BIRC6: variants seen among roughly 807,000 people sequenced by gnomAD.
BIRC6 encodes the protein dual E2 ubiquitin-conjugating enzyme/E3 ubiquitin-protein ligase BIRC6.
A neutral mutation model predicts 503.3 loss-of-function variants in BIRC6; 98 were observed. The observed-to-expected ratio is 0.19, with a 90% CI of 0.17 to 0.23. The LOEUF (loss-of-function observed/expected upper bound fraction) is 0.23. Among genes scored for constraint, BIRC6 ranks in the 10% least tolerant of loss-of-function variants. The pLI is 1.00. For synonymous variants in BIRC6, 2,240 were observed against 2,078.7 expected (o/e 1.08, Z -2.11); for missense variants, 5,360 against 5,806.0 (o/e 0.92, Z 2.50).
chr2:32,525,333 G>C (rs1000790963), intron 58 of BIRC6, 131 bp from the exon 59 acceptor site: 3 of 987,456 alleles, frequency 3.0e-6, no homozygotes, highest in Non-Finnish European at 4.5e-6. Context: ...TTAGATATTG[G>C]ATTAGAAGGA....
At chr2:32,553,197 C>CAAAAAAAAAAAAAAAAAAAAAAAAAAAA (rs763552918) in intron 65 of BIRC6, among the ~76,000 whole-genome samples, 3 of 34,936 alleles carry the variant, frequency 8.6e-5, no homozygotes, top group Non-Finnish European at 1.5e-4. Flanking sequence ...AACTCTGTCT[C>CAAAAAAAAAAAAAAAAAAAAAAAAAAAA]AAAAAAAAAA....
chr2:32,440,602 T>G (rs951150367), intron 16 of BIRC6, among the ~76,000 whole-genome samples: 11 of 152,130 alleles, frequency 7.2e-5, no homozygotes, highest in African/African-American at 2.7e-4. Flanking sequence ...TTCTGTGTAC[T>G]TTATCTGATG....
chr2:32,521,044 A>C (rs1303876098), intron 57 of BIRC6, among the ~76,000 whole-genome samples: 1 of 152,178 alleles, frequency 6.6e-6, no homozygotes, highest in Non-Finnish European at 1.5e-5. Context: ...TATTGCATAA[A>C]AATAAAAGCT....
chr2:32,509,817 C>T lies in BIRC6; in HGVS notation c.10060C>T (p.Pro3354Ser). Residue 3354 changes from proline (P) to serine (S), a missense_variant, in exon 52 of 74, where the codon CCT becomes TCT. This residue lies in a region of BIRC6 where 878 missense variants were observed against 928.9 expected (regional missense o/e 0.95). Coordinates refer to ENST00000421745, the MANE Select transcript of BIRC6 (RefSeq NM_016252.4). ...LEGMMASAAA[P>S]TANLLQTCAA... ...AGGAATGATGGCAAGTGCAGCTGCA[C>T]CTACTGCTAATCTGCTGCAGACTTG... 3 of 1,613,976 alleles carry T rather than the reference C, an allele frequency of 1.9e-6. No individual in the cohort carries two copies. Among genetic ancestry groups the T allele is most frequent in the Non-Finnish European group, 2.5e-6 (3 of 1,179,872 alleles).
At chr2:32,370,061 T>TACACACACAC (rs71820292) in intron 1 of BIRC6, among the ~76,000 whole-genome samples, 14 of 140,956 alleles carry the variant, frequency 9.9e-5, no homozygotes, top group Middle Eastern at 7.7e-3. Context: ...TGTGTATGTA[T>TACACACACAC]ACACACACAC....
At position 32,446,738 on chromosome 2, in the gene BIRC6, G is replaced by GTTTTTT. The variant is rs58232090; in HGVS notation, c.4484+1098_4484+1103dup. 4.3e-3 allele frequency among the ~76,000 whole-genome samples: 151 copies of GTTTTTT among 34,856 alleles called. 6 individuals are homozygous for GTTTTTT. The highest frequency in any genetic ancestry group is 9.5e-3 in the East Asian group (7 of 738). The allele number at this position is 34,856 out of a possible 152,430, so 22.9% of individuals were successfully genotyped here. On this transcript the variant is annotated intron_variant, in intron 21 of 73. Coordinates refer to ENST00000421745, the MANE Select transcript of BIRC6 (RefSeq NM_016252.4). ...TCTAGTCAGCATCTCCCTCTGCGCT[G>GTTTTTT]TTTTTTTTTTTTTTTTTTTTTTTTT...
At chr2:32,551,324 C>T (rs2058406024) in intron 65 of BIRC6, among the ~76,000 whole-genome samples, 1 of 151,916 alleles carries the variant, frequency 6.6e-6, no homozygotes, top group African/African-American at 2.4e-5. Flanking sequence ...CCTCTGTCAC[C>T]CATGCTGGAA....
chr2:32,464,436 G>A, intron 24 of BIRC6, 73 bp from the exon 25 acceptor site: 1 of 1,420,360 alleles, frequency 7.0e-7, no homozygotes, highest in East Asian at 2.5e-5. Flanking sequence ...CATAATATAT[G>A]TCCATGTGGT....
chr2:32,484,433 A>T (rs2149244403), intron 39 of BIRC6, among the ~76,000 whole-genome samples: 1 of 151,892 alleles, frequency 6.6e-6, no homozygotes, highest in Non-Finnish European at 1.5e-5. Flanking sequence ...GGGTACCTGT[A>T]ATCCTTGGGA....
intron 1 of BIRC6, among the ~76,000 whole-genome samples, chr2:32,366,391 T>G (rs2034935996): frequency 6.6e-6 from 1 of 152,184 alleles, no homozygotes; most frequent in Non-Finnish European, 1.5e-5. Context: ...GTTCAATACC[T>G]TCTTTATTCC....
intron 65 of BIRC6, among the ~76,000 whole-genome samples, chr2:32,551,217 AATATAAAT>A (rs535390252): frequency 1.4e-3 from 216 of 151,108 alleles, no homozygotes; most frequent in African/African-American, 5.0e-3. Flanking sequence ...AGTAAACATA[AATATAAAT>A]ATATAAATAT....
chr2:32,503,394 TATGAG>T (rs1236794567), intron 49 of BIRC6, among the ~76,000 whole-genome samples, 158 bp downstream of exon 49: 1 of 149,422 alleles, frequency 6.7e-6, no homozygotes, highest in Non-Finnish European at 1.5e-5. Context: ...ACATTCTACT[TATGAG>T]AGGGAATGCT....
At chr2:32,413,254 C>T (rs2042080750) in intron 9 of BIRC6, among the ~76,000 whole-genome samples, 1 of 150,076 alleles carries the variant, frequency 6.7e-6, no homozygotes, top group South Asian at 2.1e-4. Context: ...GGTCTTGGCT[C>T]ACCACAACCT....
chr2:32,395,427 A>T, intron 5 of BIRC6, 84 bp from the exon 6 acceptor site: 3 of 1,091,012 alleles, frequency 2.7e-6, no homozygotes, highest in South Asian at 1.6e-5. Context: ...ACTTAAAATT[A>T]TGAACTTTTA....
chr2:32,357,093 C>A lies in BIRC6; in HGVS notation c.-69C>A. ...TTGGCCCCTCCGGCCGGGCGATCGA[C>A]GTTCCGCGTGCGTGCGGGCGCCTGA... is the stretch of plus-strand genomic sequence containing the variant. On this transcript the variant is annotated 5_prime_UTR_variant, in exon 1 of 74. Coordinates refer to ENST00000421745, the MANE Select transcript of BIRC6 (RefSeq NM_016252.4). The surrounding 1 kb of genome is among the most constrained non-coding windows in gnomAD (Gnocchi z 4.9). The A allele has an allele frequency of 1.5e-6, 2 of 1,322,726 alleles. No individual in the cohort carries two copies. Among genetic ancestry groups the A allele is most frequent in the African/African-American group, 1.6e-5 (1 of 64,282 alleles). 81.9% of individuals were successfully genotyped at this position (1,322,726 alleles called of 1,614,324 possible). A position where few individuals can be genotyped will look rare whatever the true frequency, so the allele number is the denominator to read the frequency against.
At chr2:32,602,567 G>C (rs2062138381) in intron 70 of BIRC6, 1 of 154,046 alleles carries the variant, frequency 6.5e-6, no homozygotes, top group Admixed American at 6.5e-5. Context: ...TTGTCAAACA[G>C]CTAGAAGAGA....
At chr2:32,521,820 T>A (rs2055754432) in intron 57 of BIRC6, 1 of 152,150 alleles carries the variant, frequency 6.6e-6, no homozygotes, top group Non-Finnish European at 1.5e-5. Context: ...TGTGTCAGTC[T>A]GTTTGCTTTT....
At chr2:32,593,606 G>A (rs1232048054) in intron 66 of BIRC6, among the ~76,000 whole-genome samples, 1 of 152,102 alleles carries the variant, frequency 6.6e-6, no homozygotes, top group Non-Finnish European at 1.5e-5. Flanking sequence ...TATTTTAGGT[G>A]TAGAAGTGAT....
rs1016456194 is a variant in BIRC6 at position 32,357,928 on chromosome 2, G to T, written c.325+442G>T. Among the ~76,000 whole-genome samples, 12 of 152,142 alleles carry T rather than the reference G, an allele frequency of 7.9e-5. No individual in the cohort carries two copies. In the East Asian group the frequency reaches 2.3e-3, roughly 30 times the overall value. ...GAGGCGAGGGGCGGGGAGCGTCTGA[G>T]CCGGCAACCAAGCCCTCCCTTGTGG... On this transcript the variant is annotated intron_variant, in intron 1 of 73. Transcript: ENST00000421745. The surrounding 1 kb of genome is among the most constrained non-coding windows in gnomAD (Gnocchi z 4.9).
Sources: gnomAD v4.1 joint callset for allele counts (sites outside exome capture counted in the v4.1 genomes callset) on GRCh38, gnomAD v4.1.1 for gene constraint, gnomAD v4.1.1 regional missense constraint, Gnocchi (gnomAD v3.1) non-coding constraint, MANE v1.5 for transcripts, NCBI Gene and HGNC (gene_info 2026-07-23, HGNC 2026-07-21) for gene names.